The following SHISA6 variants were observed in gnomAD, a reference collection of about 807,000 sequenced individuals.
The protein encoded by SHISA6 is shisa family member 6, also known as protein shisa-6.
In SHISA6, 22 loss-of-function variants were observed where a neutral mutation model predicts 47.9. That is an observed-to-expected ratio of 0.46 (90% CI 0.33 to 0.66). The LOEUF (loss-of-function observed/expected upper bound fraction) is 0.66. Ranked by LOEUF, SHISA6 falls within the 30% of genes least tolerant of loss-of-function variation. The pLI, the probability that SHISA6 is intolerant of heterozygous loss-of-function variation, is 0.02. For synonymous variants in SHISA6, 388 were observed against 337.8 expected (o/e 1.15, Z -1.63); for missense variants, 680 against 764.6 (o/e 0.89, Z 1.30).
chr17:11,375,509 TTA>T (rs1286494813), intron 2 of SHISA6, among the ~76,000 whole-genome samples: 3 of 152,184 alleles, frequency 2.0e-5, no homozygotes, highest in Non-Finnish European at 4.4e-5. Context: ...CAAAATTCTG[TTA>T]AGTCTTTACA....
chr17:11,282,563 G>A (rs1314155168), intron 2 of SHISA6, among the ~76,000 whole-genome samples: 5 of 152,078 alleles, frequency 3.3e-5, no homozygotes, highest in Admixed American at 1.3e-4. Flanking sequence ...CCCACCTGCC[G>A]ACAGGCCCCA....
intron 2 of SHISA6, among the ~76,000 whole-genome samples, chr17:11,371,413 T>C (rs562211676): frequency 1.3e-5 from 2 of 152,194 alleles, no homozygotes; most frequent in East Asian, 3.9e-4. Flanking sequence ...TGAGGTCAGC[T>C]TGAGGCACAT....
chr17:11,310,281 T>C (rs937126480), intron 2 of SHISA6, among the ~76,000 whole-genome samples: 2 of 152,232 alleles, frequency 1.3e-5, no homozygotes, highest in Non-Finnish European at 2.9e-5. Flanking sequence ...TGTTTACATA[T>C]GTGTCATAAT....
At chr17:11,437,806 G>C (rs1914980487) in intron 3 of SHISA6, among the ~76,000 whole-genome samples, 1 of 152,164 alleles carries the variant, frequency 6.6e-6, no homozygotes, top group African/African-American at 2.4e-5. Context: ...AGCAGATGTA[G>C]TGGTGGTTTT....
intron 2 of SHISA6, among the ~76,000 whole-genome samples, chr17:11,373,837 C>A (rs939842916): frequency 6.6e-6 from 1 of 152,186 alleles, no homozygotes. Context: ...CCCTAATTGT[C>A]GGTATTACAA....
chr17:11,424,879 G>C (rs1329539385), intron 3 of SHISA6, among the ~76,000 whole-genome samples: 30 of 151,724 alleles, frequency 2.0e-4, no homozygotes, highest in African/African-American at 6.5e-4. Flanking sequence ...CGTGGTGGCG[G>C]GTGCCTGTAG....
Position 11,491,339 on chromosome 17 carries a change from T to C in SHISA6, c.896-60557T>C, listed in dbSNP as rs185099879. 2.6e-5 allele frequency among the ~76,000 whole-genome samples: 4 copies of C among 152,284 alleles called. No individual in the cohort carries two copies. The East Asian group carries it at 7.7e-4, about 29-fold the overall frequency. ...AGGTTTCTCTCTGTTACCTAGGCTG[T>C]AATGCAGTGGGCGGTGGGAGGGACA... On this transcript the variant is annotated intron_variant, in intron 3 of 5. Coordinates refer to ENST00000441885, the MANE Select transcript of SHISA6 (RefSeq NM_207386.4).
chr17:11,418,942 GCTAA>G (rs1464415927), intron 3 of SHISA6, among the ~76,000 whole-genome samples: 2 of 151,932 alleles, frequency 1.3e-5, no homozygotes, highest in Non-Finnish European at 2.9e-5. Context: ...CTTACCTGGC[GCTAA>G]CTGAGAAACT....
At chr17:11,333,982 A>G (rs973989997) in intron 2 of SHISA6, among the ~76,000 whole-genome samples, 1 of 152,318 alleles carries the variant, frequency 6.6e-6, no homozygotes, top group East Asian at 1.9e-4. Context: ...CCCACTCTCC[A>G]TACATTGCCC....
At position 11,493,413 on chromosome 17, in the gene SHISA6, G is replaced by A. The variant is rs536543062; in HGVS notation, c.896-58483G>A. On this transcript the variant is annotated intron_variant, in intron 3 of 5. Coordinates refer to ENST00000441885, the MANE Select transcript of SHISA6 (RefSeq NM_207386.4). Reference sequence around the variant, plus strand: ...AGCTAATTTTTGTATTTTTAGTAGAGACAGGGTTTCATTATGTTGGTCAGG... The same window carrying A: ...AGCTAATTTTTGTATTTTTAGTAGAAACAGGGTTTCATTATGTTGGTCAGG... Among the ~76,000 whole-genome samples the A allele has an allele frequency of 4.1e-3, 625 of 152,108 alleles. 5 individuals are homozygous for A. Among genetic ancestry groups the A allele is most frequent in the African/African-American group, 0.014 (580 of 41,500 alleles).
intron 3 of SHISA6, among the ~76,000 whole-genome samples, chr17:11,439,310 G>A (rs1477323728): frequency 6.6e-6 from 1 of 152,174 alleles, no homozygotes; most frequent in Non-Finnish European, 1.5e-5. Context: ...ACTTCAGAAT[G>A]CTAGAATAAC....
chr17:11,368,521 G>A (rs1033112302), intron 2 of SHISA6, among the ~76,000 whole-genome samples: 1 of 152,148 alleles, frequency 6.6e-6, no homozygotes, highest in African/African-American at 2.4e-5. Context: ...GAAATATTCA[G>A]TATACTTGAG....
chr17:11,245,746 G>T (rs1397318832), intron 1 of SHISA6, among the ~76,000 whole-genome samples: 1 of 137,680 alleles, frequency 7.3e-6, no homozygotes, highest in African/African-American at 2.7e-5. Flanking sequence ...AATGTGGGCA[G>T]GGTGGGGGGG....
intron 3 of SHISA6, among the ~76,000 whole-genome samples, chr17:11,502,221 A>C (rs1405342555): frequency 6.7e-6 from 1 of 149,968 alleles, no homozygotes; most frequent in Non-Finnish European, 1.5e-5. Context: ...CATCCTGGCT[A>C]ACACGGTGAA....
chr17:11,414,831 T>C (rs1243823400), intron 3 of SHISA6, among the ~76,000 whole-genome samples: 1 of 152,204 alleles, frequency 6.6e-6, no homozygotes, highest in Non-Finnish European at 1.5e-5. Flanking sequence ...CTCACGCCTG[T>C]AATCCCAGCA....
intron 2 of SHISA6, among the ~76,000 whole-genome samples, chr17:11,271,441 T>G (rs1908650906): frequency 6.6e-6 from 1 of 152,062 alleles, no homozygotes; most frequent in Admixed American, 6.5e-5. Context: ...TTTTATTTAT[T>G]TATTTTTTAT....
chr17:11,363,772 A>G (rs569575428), intron 2 of SHISA6, among the ~76,000 whole-genome samples: 31 of 152,298 alleles, frequency 2.0e-4, no homozygotes, highest in African/African-American at 7.2e-4. Flanking sequence ...ACAGTTTGCT[A>G]TTGCCGTGAC....
At chr17:11,283,719 C>G (rs1282936168) in intron 2 of SHISA6, among the ~76,000 whole-genome samples, 2 of 152,150 alleles carry the variant, frequency 1.3e-5, no homozygotes, top group African/African-American at 2.4e-5. Context: ...ATTGTTGGAA[C>G]AGGGAAGAAG....
intron 2 of SHISA6, among the ~76,000 whole-genome samples, chr17:11,315,957 CA>C (rs1262135469): frequency 6.6e-6 from 1 of 152,026 alleles, no homozygotes; most frequent in Non-Finnish European, 1.5e-5. Flanking sequence ...GTTTAAATAA[CA>C]AAAGTGATAT....
Sources: allele counts gnomAD v4.1 joint callset (sites outside exome capture counted in the v4.1 genomes callset), GRCh38; gene constraint gnomAD v4.1.1; transcripts MANE v1.5; gene names NCBI Gene and HGNC (gene_info 2026-07-23, HGNC 2026-07-21).